The following BCAS1 variants were observed in gnomAD, a reference collection of about 807,000 sequenced individuals.
BCAS1 encodes the protein brain enriched myelin associated protein 1, also known as breast carcinoma-amplified sequence 1.
Under a neutral mutation model 65.4 loss-of-function variants are expected in BCAS1, and 46 were observed. That is an observed-to-expected ratio of 0.70 (90% CI 0.55 to 0.90). The LOEUF (loss-of-function observed/expected upper bound fraction) is 0.90, where lower values mean the gene tolerates loss of function less well. Among genes scored for constraint, BCAS1 ranks in the 40% least tolerant of loss-of-function variants. The pLI is 0.00. For missense variants in BCAS1, 793 were observed against 771.2 expected, an observed-to-expected ratio of 1.03 and a Z score of -0.33; for synonymous variants, 298 against 293.5, an observed-to-expected ratio of 1.02 and a Z score of -0.16.
At chr20:54,064,942 G>A (rs930587694) in intron 1 of BCAS1, among the ~76,000 whole-genome samples, 4 of 152,166 alleles carry the variant, frequency 2.6e-5, no homozygotes, top group African/African-American at 9.7e-5. Flanking sequence ...AGCACAGAGA[G>A]GTTGAGTGGC....
chr20:54,029,865 G>A (rs892518829), intron 3 of BCAS1, among the ~76,000 whole-genome samples: 5 of 152,142 alleles, frequency 3.3e-5, no homozygotes, highest in African/African-American at 7.2e-5. Flanking sequence ...AAGTTCATGC[G>A]CTCTCTGTCT....
At chr20:54,001,356 A>C (rs1033601742) in intron 4 of BCAS1, among the ~76,000 whole-genome samples, 5 of 152,196 alleles carry the variant, frequency 3.3e-5, no homozygotes, top group Admixed American at 1.3e-4. Context: ...CCCTTCCCCA[A>C]ACAAGCCCCC....
At chr20:54,037,492 C>G (rs986704344) in intron 3 of BCAS1, among the ~76,000 whole-genome samples, 1 of 151,408 alleles carries the variant, frequency 6.6e-6, no homozygotes, top group Non-Finnish European at 1.5e-5. Flanking sequence ...AAAACAATAG[C>G]TAACATTCAT....
intron 4 of BCAS1, among the ~76,000 whole-genome samples, chr20:54,014,775 T>C: frequency 6.6e-6 from 1 of 152,180 alleles, no homozygotes; most frequent in East Asian, 1.9e-4. Flanking sequence ...CCCCAGAGAA[T>C]ATCACGCGAG....
In BCAS1 at chr20:54,018,151, C is replaced by T. The variant is rs114747173; in HGVS notation, c.723+10241G>A. 3.0e-3 allele frequency among the ~76,000 whole-genome samples: 451 copies of T among 152,322 alleles called. 2 individuals are homozygous for T. The highest frequency in any genetic ancestry group is 0.01 in the African/African-American group (433 of 41,584). ...TAAACACTTCTCTGTTTCTGTTCCT[C>T]ACCCAGTTGTGATTTTCACTCTCCT... On this transcript the variant is annotated intron_variant, in intron 4 of 12. Transcript: ENST00000688948.
intron 3 of BCAS1, among the ~76,000 whole-genome samples, chr20:54,043,944 C>A (rs1313074731): frequency 1.3e-5 from 2 of 152,170 alleles, no homozygotes; most frequent in African/African-American, 4.8e-5. Flanking sequence ...TGGATCCTAC[C>A]CACTAATACA....
chr20:54,056,731 A>T (rs936562734), intron 3 of BCAS1, among the ~76,000 whole-genome samples: 1 of 152,164 alleles, frequency 6.6e-6, no homozygotes, highest in Non-Finnish European at 1.5e-5. Flanking sequence ...TCCCTAGGAA[A>T]TTCTAAAAGC....
intron 7 of BCAS1, among the ~76,000 whole-genome samples, chr20:53,990,577 G>A (rs1039839451): frequency 2.0e-5 from 3 of 151,962 alleles, no homozygotes; most frequent in Non-Finnish European, 2.9e-5. Flanking sequence ...TCTTTTCCAG[G>A]TGACAAACCC....
intron 3 of BCAS1, among the ~76,000 whole-genome samples, chr20:54,034,261 T>C (rs2091856728): frequency 6.6e-6 from 1 of 151,238 alleles, no homozygotes; most frequent in Non-Finnish European, 1.5e-5. Flanking sequence ...CTATTCAACA[T>C]AGTATTGGAA....
chr20:53,957,322 G>A (rs1446952310), intron 11 of BCAS1, 110 bp downstream of exon 11: 15 of 986,536 alleles, frequency 1.5e-5, no homozygotes, highest in Non-Finnish European at 2.4e-5. Context: ...GCTTAATCCT[G>A]AGATATTAAA....
intron 4 of BCAS1, among the ~76,000 whole-genome samples, chr20:54,007,013 C>CTGCT (rs1485420205): frequency 6.6e-6 from 1 of 152,146 alleles, no homozygotes; most frequent in East Asian, 1.9e-4. Flanking sequence ...AGGTGATGGG[C>CTGCT]TGCTGGCTAC....
At chr20:53,950,270 C>T (rs987719453) in intron 12 of BCAS1, among the ~76,000 whole-genome samples, 2 of 152,164 alleles carry the variant, frequency 1.3e-5, no homozygotes, top group Non-Finnish European at 2.9e-5. Context: ...ATGTACTAAG[C>T]TCACTAAGCT....
Position 53,984,214 on chromosome 20 carries a change from T to C in BCAS1, c.1275+1073A>G, listed in dbSNP as rs553105275. ...TAAGTCTTCTCTCTTGTCTCCAATA[T>C]ACACATATACCTCACTTGGAAATTG... is the stretch of plus-strand genomic sequence containing the variant. On this transcript the variant is annotated intron_variant, in intron 8 of 12. Transcript: ENST00000688948. Among the ~76,000 whole-genome samples, 6 of 152,340 alleles carry C rather than the reference T, an allele frequency of 3.9e-5. No homozygotes were observed. In the East Asian group the frequency reaches 1.2e-3, roughly 29 times the overall value.
chr20:53,968,191 T>C (rs963009091), intron 9 of BCAS1, among the ~76,000 whole-genome samples: 6 of 152,318 alleles, frequency 3.9e-5, no homozygotes, highest in South Asian at 4.2e-4. Flanking sequence ...GGAAGAAATA[T>C]TTTAAAAGAT....
Position 54,028,837 on chromosome 20 carries a change from G to C in BCAS1, c.278C>G (p.Ser93Cys). The C allele has an allele frequency of 6.2e-7, 1 of 1,614,084 alleles. No individual in the cohort carries two copies. Among genetic ancestry groups the C allele is most frequent in the South Asian group, 1.1e-5 (1 of 91,088 alleles). The change falls in exon 4 of 13, where the codon TCT (serine) becomes TGT (cysteine). Residue 93 changes from serine to cysteine, a missense_variant. Physicochemically the swap from Ser to Cys is moderately radical, Grantham distance 112. Coordinates refer to ENST00000688948, the MANE Select transcript of BCAS1 (RefSeq NM_001366298.2). ...CCGAGAGAGCATCAAGAAAAAACGA[G>C]ATTTAGCAGCTGGTGCCTCGGGTTT... Reference protein sequence around the residue: ...EAKPEAPAAKSRFFLMLSRPV... With the variant: ...EAKPEAPAAKCRFFLMLSRPV...
At chr20:53,985,591 G>T in intron 7 of BCAS1, 92 bp from the exon 8 acceptor site, 1 of 1,111,828 alleles carries the variant, frequency 9.0e-7, no homozygotes. Context: ...ATGGGCTGAG[G>T]TTATACATAA....
rs779889042 is a variant in BCAS1 at position 54,028,464 on chromosome 20, C to T, written c.651G>A (p.Arg217=). Reference sequence around the variant, plus strand: ...CATCCACCTTGTCTTGATGCTCTGCCCTCTTGGCTTCCTGTTGGCTGTCAC... The same window carrying T: ...CATCCACCTTGTCTTGATGCTCTGCTCTCTTGGCTTCCTGTTGGCTGTCAC... ...VPGDSQQEAK[R]AEHQDKVDEV... is the part of the protein sequence containing the mutation. Residue 217 remains arginine (R), a synonymous_variant, in exon 4 of 13, where the codon AGG becomes AGA. Transcript: ENST00000688948. The T allele has an allele frequency of 5.0e-6, 8 of 1,614,046 alleles. No individual in the cohort carries two copies. The highest frequency in any genetic ancestry group is 1.7e-5 in the Admixed American group (1 of 60,002).
intron 3 of BCAS1, among the ~76,000 whole-genome samples, chr20:54,052,200 G>C (rs888186747): frequency 5.9e-5 from 9 of 152,152 alleles, no homozygotes; most frequent in Admixed American, 5.2e-4. Context: ...CCTCCACCAT[G>C]ATGAAGGTAT....
chr20:53,992,115 A>T (rs567954585), intron 7 of BCAS1, among the ~76,000 whole-genome samples: 2 of 152,300 alleles, frequency 1.3e-5, no homozygotes, highest in East Asian at 3.9e-4. Flanking sequence ...CTTAGGAAAA[A>T]TTATTCTGAT....
Sources: gnomAD v4.1 joint callset for allele counts (sites outside exome capture counted in the v4.1 genomes callset) on GRCh38, gnomAD v4.1.1 for gene constraint, MANE v1.5 for transcripts, NCBI Gene and HGNC (gene_info 2026-07-23, HGNC 2026-07-21) for gene names.